Variants in CDC42 observed in about 807,000 individuals in gnomAD.
The protein encoded by CDC42 is cell division control protein 42 homolog.
In CDC42, 1 loss-of-function variant was observed where a neutral mutation model predicts 20.8. The observed-to-expected ratio is 0.05, with a 90% CI of 0.02 to 0.23. The LOEUF (loss-of-function observed/expected upper bound fraction) is 0.23. Ranked by LOEUF, CDC42 falls within the 10% of genes least tolerant of loss-of-function variation. The probability of loss-of-function intolerance (pLI) is 1.00; values close to 1 mark genes in which losing one functional copy is unlikely to be tolerated. For synonymous variants in CDC42, 72 were observed against 84.8 expected (o/e 0.85, Z 0.83); for missense variants, 49 against 227.9 (o/e 0.21, Z 5.05).
chr1:22,076,468 GAGTC>G (rs1318395147), intron 1 of CDC42, among the ~76,000 whole-genome samples: 2 of 152,092 alleles, frequency 1.3e-5, no homozygotes, highest in African/African-American at 4.8e-5. Context: ...AGGGACTTGA[GAGTC>G]AGACTGCTTG....
At chr1:22,056,317 T>A (rs373587330) in intron 1 of CDC42, among the ~76,000 whole-genome samples, 3 of 152,230 alleles carry the variant, frequency 2.0e-5, no homozygotes, top group Admixed American at 6.5e-5. Context: ...AATCTACTCT[T>A]GCTTGACTTT....
At chr1:22,071,075 G>A (rs1195651929) in intron 1 of CDC42, among the ~76,000 whole-genome samples, 4 of 113,182 alleles carry the variant, frequency 3.5e-5, no homozygotes, top group African/African-American at 7.2e-5. Flanking sequence ...ATGGAGTCTC[G>A]CTCTGTTGCC....
intron 1 of CDC42, among the ~76,000 whole-genome samples, chr1:22,055,076 C>T (rs535582872): frequency 2.1e-4 from 32 of 150,112 alleles, no homozygotes; most frequent in African/African-American, 6.6e-4. Context: ...GCCTCAGCCT[C>T]CCGAACAGCT....
In CDC42 at chr1:22,097,113, G is replaced by T. The variant is rs1258109038; in HGVS notation, c.*5596G>T. 6.6e-6 allele frequency among the ~76,000 whole-genome samples: 1 copy of T among 152,222 alleles called. No homozygotes were observed. The highest frequency in any genetic ancestry group is 1.5e-5 in the Non-Finnish European group (1 of 68,046). On this transcript the variant is annotated 3_prime_UTR_variant, in exon 6 of 6. Transcript: ENST00000656825. ...ATCCCTGCATCTTGCACATGGTGAG[G>T]AAAGGTGAGGACATTTAGATGACCT...
intron 3 of CDC42, among the ~76,000 whole-genome samples, chr1:22,086,191 C>A (rs1395798531): frequency 1.3e-5 from 2 of 152,074 alleles, no homozygotes; most frequent in Non-Finnish European, 2.9e-5. Context: ...TTCTAATGGA[C>A]ACAAAGATTG....
rs371357056 is a variant in CDC42 at position 22,091,461 on chromosome 1, T to C, written c.520T>C (p.Leu174=). The C allele has an allele frequency of 1.2e-6, 2 of 1,613,604 alleles. No homozygotes were observed. The highest frequency in any genetic ancestry group is 1.3e-5 in the African/African-American group (1 of 75,024). ...GLKNVFDEAI[L]AALEPPEPKK... ...AAAGAATGTATTTGACGAAGCAATA[T>C]TGGCTGCCCTGGAGCCTCCAGAACC... The change falls in exon 6 of 6, where the codon TTG becomes CTG. Residue 174 remains leucine (L), a synonymous_variant. Coordinates refer to ENST00000656825, the MANE Select transcript of CDC42 (RefSeq NM_001791.4).
rs1406672343 is a variant in CDC42 at position 22,098,144 on chromosome 1, A to G, written c.*6627A>G. ...ATTTACTCTCAATCTTTAGGGGTAG[A>G]GACTAGGAGCCTACATTTTGAACAA... On this transcript the variant is annotated 3_prime_UTR_variant, in exon 6 of 6. Transcript: ENST00000656825. 6.6e-6 allele frequency among the ~76,000 whole-genome samples: 1 copy of G among 152,184 alleles called. No individual in the cohort carries two copies. Among genetic ancestry groups the G allele is most frequent in the Admixed American group, 6.6e-5 (1 of 15,266 alleles).
chr1:22,068,095 AT>A (rs1242712096), intron 1 of CDC42, among the ~76,000 whole-genome samples: 3 of 152,148 alleles, frequency 2.0e-5, no homozygotes, highest in African/African-American at 7.2e-5. Context: ...AACAAAAAAA[AT>A]CTTTAGGAAA....
At chr1:22,088,480 T>G (rs1645684797) in intron 5 of CDC42, among the ~76,000 whole-genome samples, 1 of 152,188 alleles carries the variant, frequency 6.6e-6, no homozygotes, top group African/African-American at 2.4e-5. Flanking sequence ...GAGTTTGAAG[T>G]ATGGAGAAGT....
At chr1:22,062,138 G>A (rs191231786) in intron 1 of CDC42, among the ~76,000 whole-genome samples, 13 of 152,156 alleles carry the variant, frequency 8.5e-5, no homozygotes, top group Non-Finnish European at 1.8e-4. Context: ...GTTTCACCAC[G>A]TTGGCCAGGC....
intron 1 of CDC42, among the ~76,000 whole-genome samples, chr1:22,065,084 A>G (rs144813754): frequency 7.9e-5 from 12 of 152,320 alleles, no homozygotes; most frequent in East Asian, 7.7e-4. Flanking sequence ...TGGTGATACT[A>G]TTGTCTCTGT....
intron 1 of CDC42, among the ~76,000 whole-genome samples, chr1:22,067,213 A>G (rs568715885): frequency 5.4e-4 from 83 of 152,340 alleles, no homozygotes; most frequent in Middle Eastern, 3.4e-3. Context: ...GTAGCTTGTA[A>G]ACGACAGAAA....
At chr1:22,064,492 T>C (rs1018436203) in intron 1 of CDC42, among the ~76,000 whole-genome samples, 1 of 152,028 alleles carries the variant, frequency 6.6e-6, no homozygotes, top group Non-Finnish European at 1.5e-5. Flanking sequence ...GGTTTTGCCA[T>C]GTTGGCCAGG....
intron 3 of CDC42, among the ~76,000 whole-genome samples, chr1:22,084,093 C>G (rs1181263584): frequency 1.3e-5 from 2 of 152,148 alleles, no homozygotes; most frequent in South Asian, 2.1e-4. Flanking sequence ...CTATGAATTG[C>G]TTCCACGTTT....
At position 22,099,408 on chromosome 1, in the gene CDC42, A is replaced by G. The variant is rs1337229913; in HGVS notation, c.*7891A>G. Among the ~76,000 whole-genome samples the G allele has an allele frequency of 2.0e-5, 3 of 152,238 alleles. No homozygotes were observed. The highest frequency in any genetic ancestry group is 7.2e-5 in the African/African-American group (3 of 41,468). ...TTGATAGTACAGGTATCTTCTTTTT[A>G]TGGAGCAGGACTCTGAGACATCATA... On this transcript the variant is annotated 3_prime_UTR_variant, in exon 6 of 6. Transcript: ENST00000656825.
Position 22,086,536 on chromosome 1 carries a change from C to T in CDC42, c.276C>T (p.Asn92=), listed in dbSNP as rs16826534. 2,278 of 1,607,852 alleles carry T rather than the reference C, an allele frequency of 1.4e-3. 5 individuals are homozygous for T. The highest frequency in any genetic ancestry group is 2.8e-3 in the East Asian group (126 of 44,742). ...FSVVSPSSFE[N]VKEKWVPEIT... ...TGGTCTCTCCATCTTCATTTGAAAA[C>T]GTGAAAGAAAAGGTAAGCTGATCAG... Residue 92 remains asparagine, a synonymous_variant, in exon 4 of 6, where the codon AAC becomes AAT. Coordinates refer to ENST00000656825, the MANE Select transcript of CDC42 (RefSeq NM_001791.4).
intron 1 of CDC42, among the ~76,000 whole-genome samples, chr1:22,067,482 C>G (rs920372620): frequency 6.6e-6 from 1 of 152,068 alleles, no homozygotes; most frequent in African/African-American, 2.4e-5. Context: ...TCCTGAGTAG[C>G]TGGGGTTACA....
At position 22,099,149 on chromosome 1, in the gene CDC42, C is replaced by T. The variant is rs10917152; in HGVS notation, c.*7632C>T. Among the ~76,000 whole-genome samples, 16,463 of 152,092 alleles carry T rather than the reference C, an allele frequency of 0.11. 1,007 individuals are homozygous for T. The highest frequency in any genetic ancestry group is 0.15 in the Middle Eastern group (44 of 294). On this transcript the variant is annotated 3_prime_UTR_variant, in exon 6 of 6. Transcript: ENST00000656825. ...GCCCTGCTTCACCACGGCATAGGGA[C>T]GGGTGCAGTAGGAAGAAAGGTAGCC...
chr1:22,061,760 C>T (rs1176231969), intron 1 of CDC42, among the ~76,000 whole-genome samples: 2 of 151,020 alleles, frequency 1.3e-5, no homozygotes, highest in East Asian at 2.0e-4. Flanking sequence ...TAGTGGAGAC[C>T]GTGTTGGCCA....
Sources: gnomAD v4.1 joint callset for allele counts (sites outside exome capture counted in the v4.1 genomes callset) on GRCh38, gnomAD v4.1.1 for gene constraint, MANE v1.5 for transcripts, NCBI Gene and HGNC (gene_info 2026-07-23, HGNC 2026-07-21) for gene names.